The following DGKD variants were observed in gnomAD, a reference collection of about 807,000 sequenced individuals.
DGKD encodes DAG kinase delta.
A neutral mutation model predicts 154.4 loss-of-function variants in DGKD; 68 were observed. The observed-to-expected ratio is 0.44, with a 90% CI of 0.36 to 0.54. DGKD has a LOEUF of 0.54. Ranked by LOEUF, DGKD falls within the 20% of genes least tolerant of loss-of-function variation. The pLI, the probability that DGKD is intolerant of heterozygous loss-of-function variation, is 0.00. For synonymous variants in DGKD, 693 were observed against 638.0 expected, an observed-to-expected ratio of 1.09 and a Z score of -1.30; for missense variants, 1,343 against 1,593.6, an observed-to-expected ratio of 0.84 and a Z score of 2.68.
intron 3 of DGKD, among the ~76,000 whole-genome samples, chr2:233,396,955 G>C (rs1373332734): frequency 7.4e-6 from 1 of 135,626 alleles, no homozygotes; most frequent in Non-Finnish European, 1.6e-5. Context: ...GAGGACACCA[G>C]AGGGGACCAG....
At chr2:233,377,054 A>G (rs994969061) in intron 1 of DGKD, among the ~76,000 whole-genome samples, 7 of 150,630 alleles carry the variant, frequency 4.6e-5, no homozygotes, top group African/African-American at 1.2e-4. Context: ...TTTTACAAAA[A>G]GATATTAATA....
chr2:233,449,951 G>T lies in DGKD; in HGVS notation c.1889-31G>T. On this transcript the variant is annotated intron_variant, in intron 15 of 29. Coordinates refer to ENST00000264057, the MANE Select transcript of DGKD (RefSeq NM_152879.3). The surrounding 1 kb of genome is among the most constrained non-coding windows in gnomAD (Gnocchi z 5.3). ...ACAGCGCCCTTGGCTTTGCACCCGC[G>T]TGCTCAGCCGCACACACTCTCCTTG... 1 of 1,548,574 alleles carries T rather than the reference G, an allele frequency of 6.5e-7. No individual in the cohort carries two copies. The highest frequency in any genetic ancestry group is 8.7e-7 in the Non-Finnish European group (1 of 1,144,618).
intron 1 of DGKD, among the ~76,000 whole-genome samples, chr2:233,377,215 T>A (rs1230477118): frequency 6.6e-6 from 1 of 151,906 alleles, no homozygotes; most frequent in Non-Finnish European, 1.5e-5. Flanking sequence ...CCCGAGTAGC[T>A]GTGATTACAG....
chr2:233,462,285 GT>G, intron 24 of DGKD, 62 bp from the exon 25 acceptor site: 3 of 1,355,508 alleles, frequency 2.2e-6, no homozygotes, highest in Non-Finnish European at 3.1e-6. Context: ...GTTCAGATGC[GT>G]ATTGTGAAAG....
intron 3 of DGKD, among the ~76,000 whole-genome samples, chr2:233,401,388 G>A (rs2061554201): frequency 1.3e-5 from 2 of 152,058 alleles, no homozygotes; most frequent in South Asian, 4.1e-4. Context: ...TTCTAGTTTG[G>A]TGTACTTAAC....
At chr2:233,397,215 GGT>G (rs1462594785) in intron 3 of DGKD, among the ~76,000 whole-genome samples, 54 of 19,888 alleles carry the variant, frequency 2.7e-3, no homozygotes, top group East Asian at 4.5e-3. Flanking sequence ...GGGGGGGGGG[GGT>G]GCCAGAGTGA....
chr2:233,436,212 T>A, intron 6 of DGKD, 104 bp from the exon 7 acceptor site: 1 of 1,559,244 alleles, frequency 6.4e-7, no homozygotes, highest in East Asian at 2.2e-5. Flanking sequence ...AAGGAGCTTG[T>A]TCTGGGAAGA....
chr2:233,364,717 A>G (rs1701942030), intron 1 of DGKD, among the ~76,000 whole-genome samples: 1 of 152,230 alleles, frequency 6.6e-6, no homozygotes, highest in Non-Finnish European at 1.5e-5. Flanking sequence ...AACACTGAAC[A>G]ATTGGGACAA....
intron 7 of DGKD, among the ~76,000 whole-genome samples, chr2:233,436,806 T>C (rs1471353409): frequency 6.6e-6 from 1 of 152,202 alleles, no homozygotes. Flanking sequence ...CGGCGTTGGC[T>C]CTGGGCAGTG....
chr2:233,439,505 C>T (rs1042533126), intron 9 of DGKD, among the ~76,000 whole-genome samples: 1 of 152,216 alleles, frequency 6.6e-6, no homozygotes, highest in Admixed American at 6.5e-5. Context: ...AGAAAGACTT[C>T]TTATCTGAAT....
chr2:233,434,529 C>T, intron 4 of DGKD, 45 bp downstream of exon 4: 1 of 1,568,198 alleles, frequency 6.4e-7, no homozygotes, highest in Non-Finnish European at 8.8e-7. Context: ...CTGTTGCCTC[C>T]CTCACCCCAG....
At chr2:233,364,749 A>G (rs537794774) in intron 1 of DGKD, among the ~76,000 whole-genome samples, 1 of 152,362 alleles carries the variant, frequency 6.6e-6, no homozygotes, top group South Asian at 2.1e-4. Flanking sequence ...ACAGTAAGTT[A>G]GTAGACTGAA....
intron 19 of DGKD, among the ~76,000 whole-genome samples, 171 bp downstream of exon 19, chr2:233,455,044 G>A (rs1443477962): frequency 1.3e-5 from 2 of 152,222 alleles, no homozygotes; most frequent in Non-Finnish European, 2.9e-5. Context: ...TTTCAGAGAT[G>A]GAAGGGAAGC....
chr2:233,445,715 C>A lies in DGKD; in HGVS notation c.1287C>A (p.Pro429=), dbSNP rs747497481. 1 of 1,613,432 alleles carries A rather than the reference C, an allele frequency of 6.2e-7. No homozygotes were observed. Among genetic ancestry groups the A allele is most frequent in the East Asian group, 2.2e-5 (1 of 44,800 alleles). The change falls in exon 11 of 30, where the codon CCC becomes CCA. Residue 429 remains proline (P), a synonymous_variant. Transcript: ENST00000264057. This position sits in a 1 kb window ranked among gnomAD's most constrained non-coding sequence, Gnocchi z 5.5. ...CCTGCGATGACGACACCCAGCTCCC[C>A]CAGATCTTGGAGAAGTTGGAGAGAG... The part of the protein sequence containing the change: ...GSACDDDTQL[P]QILEKLERAS...
chr2:233,460,475 C>T (rs112497682), intron 24 of DGKD, 130 bp downstream of exon 24: 20 of 1,226,420 alleles, frequency 1.6e-5, no homozygotes, highest in Admixed American at 5.7e-5. Flanking sequence ...CCATGAGGGC[C>T]GAGCCTGTTT....
chr2:233,438,708 G>A lies in DGKD; in HGVS notation c.1085+329G>A, dbSNP rs1411630128. Among the ~76,000 whole-genome samples the A allele has an allele frequency of 6.6e-6, 1 of 150,558 alleles. No homozygotes were observed. Among genetic ancestry groups the A allele is most frequent in the African/African-American group, 2.5e-5 (1 of 40,028 alleles). On this transcript the variant is annotated intron_variant, in intron 9 of 29. Transcript: ENST00000264057. This position sits in a 1 kb window ranked among gnomAD's most constrained non-coding sequence, Gnocchi z 4.1. ...TATGTGTCTGCATACAACGTTGTGG[G>A]TGTATTTTCTTTCATTTTATAATTT...
rs151146861 is a variant in DGKD, at chr2:233,446,813, C to A, written c.1419+17C>A. The A allele has an allele frequency of 3.4e-4, 552 of 1,613,868 alleles. 5 individuals carry two copies. The East Asian group carries it at 0.011, about 31-fold the overall frequency. On this transcript the variant is annotated intron_variant, in intron 12 of 29. Transcript: ENST00000264057. ...GATTCCGAGGTATTGCTGGCCTGTT[C>A]TTCACACCCTGCTCGCATGCTGATG...
intron 1 of DGKD, among the ~76,000 whole-genome samples, chr2:233,378,692 C>T (rs1429307043): frequency 6.6e-6 from 1 of 152,038 alleles, no homozygotes; most frequent in Non-Finnish European, 1.5e-5. Context: ...TATTTTTTGC[C>T]CCTTTTTCTA....
intron 19 of DGKD, 31 bp from the exon 20 acceptor site, chr2:233,456,868 A>T: frequency 1.3e-6 from 2 of 1,563,130 alleles, no homozygotes; most frequent in Non-Finnish European, 1.8e-6. Flanking sequence ...GAAAGCCCAG[A>T]CCTATGGCAA....
Sources: allele counts gnomAD v4.1 joint callset (sites outside exome capture counted in the v4.1 genomes callset), GRCh38; gene constraint gnomAD v4.1.1; non-coding constraint Gnocchi (gnomAD v3.1); transcripts MANE v1.5; gene names NCBI Gene and HGNC (gene_info 2026-07-23, HGNC 2026-07-21).